Variants in KAZN observed in about 807,000 individuals in gnomAD.
KAZN encodes kazrin.
In KAZN, 40 loss-of-function variants were observed where a neutral mutation model predicts 87.4. The observed-to-expected ratio is 0.46, with a 90% CI of 0.36 to 0.60. KAZN has a LOEUF of 0.60. Ranked by LOEUF, KAZN falls within the 20% of genes least tolerant of loss-of-function variation. KAZN has a pLI of 0.00. For missense variants in KAZN, 898 were observed against 1,073.9 expected (o/e 0.84, Z 2.29); for synonymous variants, 466 against 458.3 (o/e 1.02, Z -0.22).
chr1:13,932,267 T>A (rs1640548450), intron 1 of KAZN, among the ~76,000 whole-genome samples: 1 of 147,850 alleles, frequency 6.8e-6, no homozygotes, highest in Non-Finnish European at 1.5e-5. Flanking sequence ...CATTTTTTTT[T>A]TTTTTTTTTT....
intron 1 of KAZN, chr1:14,692,394 A>G (rs2148787705): frequency 3.4e-6 from 1 of 293,464 alleles, no homozygotes; most frequent in East Asian, 5.6e-5. Context: ...TTTTTCTTTG[A>G]CCGACCTGCA....
chr1:15,050,024 A>AGTAGGGTAGGGTAGG (rs762329299), intron 4 of KAZN, among the ~76,000 whole-genome samples: 25 of 120,420 alleles, frequency 2.1e-4, no homozygotes, highest in Non-Finnish European at 3.7e-4. Flanking sequence ...ATCAGAGTAG[A>AGTAGGGTAGGGTAGG]GTAGGGTAGG....
In KAZN at chr1:14,383,075, G is replaced by A. The variant is rs190149410; in HGVS notation, c.249+202483G>A. Among the ~76,000 whole-genome samples the A allele has an allele frequency of 6.3e-3, 955 of 151,586 alleles. 14 individuals carry two copies. The highest frequency in any genetic ancestry group is 0.022 in the African/African-American group (914 of 41,292). On this transcript the variant is annotated intron_variant, in intron 2 of 16. Coordinates refer to the KAZN transcript ENST00000636203. ...TGCATTTCTCTGATGGCCAGTGATG[G>A]TGAGCATTGTTTCATGTGTTTTTTG...
intron 1 of KAZN, among the ~76,000 whole-genome samples, chr1:14,610,097 G>A (rs1378099361): frequency 6.6e-6 from 1 of 152,200 alleles, no homozygotes; most frequent in Non-Finnish European, 1.5e-5. Context: ...CGATGAAAGG[G>A]GAATCCATTT....
intron 1 of KAZN, among the ~76,000 whole-genome samples, chr1:14,015,939 G>A (rs1486076880): frequency 6.6e-6 from 1 of 151,976 alleles, no homozygotes; most frequent in East Asian, 2.0e-4. Context: ...ACTGCACTGG[G>A]ATTGAGGGCC....
intron 2 of KAZN, among the ~76,000 whole-genome samples, chr1:14,259,485 C>T (rs576750984): frequency 1.6e-4 from 24 of 152,276 alleles, no homozygotes; most frequent in Non-Finnish European, 3.1e-4. Flanking sequence ...CTCTGAGGCA[C>T]GCCTTTGCCT....
At chr1:14,958,737 C>T (rs1272118679) in intron 1 of KAZN, among the ~76,000 whole-genome samples, 1 of 152,210 alleles carries the variant, frequency 6.6e-6, no homozygotes, top group Non-Finnish European at 1.5e-5. Flanking sequence ...AGCAGGGACG[C>T]TCCTGGCTCT....
chr1:14,761,316 C>G (rs1404593188), intron 1 of KAZN, among the ~76,000 whole-genome samples: 1 of 152,160 alleles, frequency 6.6e-6, no homozygotes, highest in Non-Finnish European at 1.5e-5. Context: ...CATTCAAGAG[C>G]CTGCAGATCT....
At chr1:13,901,612 G>A (rs938184196) in intron 1 of KAZN, among the ~76,000 whole-genome samples, 1 of 152,206 alleles carries the variant, frequency 6.6e-6, no homozygotes, top group Admixed American at 6.5e-5. Context: ...CTCCAGCTGC[G>A]TCCTGCCAGT....
intron 1 of KAZN, among the ~76,000 whole-genome samples, chr1:13,960,819 C>T (rs1641723187): frequency 6.6e-6 from 1 of 152,166 alleles, no homozygotes; most frequent in Non-Finnish European, 1.5e-5. Flanking sequence ...AAAACCCTGG[C>T]CTCAGCTCCA....
At position 14,603,897 on chromosome 1, in the gene KAZN, C is replaced by T. The variant is rs1463997402; in HGVS notation, c.226+4674C>T. ...TGCTCACCGTGCATATCATATGGGG[C>T]CCAGAAGGTCAAGCTTGGGATTTGG... On this transcript the variant is annotated intron_variant, in intron 1 of 14. Transcript: ENST00000376030. Among the ~76,000 whole-genome samples the T allele has an allele frequency of 2.6e-5, 4 of 152,106 alleles. No homozygotes were observed. In the South Asian group the frequency reaches 6.2e-4, roughly 24 times the overall value.
intron 2 of KAZN, among the ~76,000 whole-genome samples, chr1:14,280,050 C>T (rs543462955): frequency 1.3e-5 from 2 of 152,142 alleles, no homozygotes; most frequent in South Asian, 2.1e-4. Context: ...CTACGGTCAT[C>T]GGCATATGGA....
At chr1:14,249,646 C>T (rs1052215330) in intron 2 of KAZN, among the ~76,000 whole-genome samples, 11 of 152,302 alleles carry the variant, frequency 7.2e-5, no homozygotes, top group South Asian at 4.1e-4. Context: ...AGTCTCTTTA[C>T]GATCATTTCA....
intron 1 of KAZN, among the ~76,000 whole-genome samples, chr1:14,677,820 A>G (rs1237349010): frequency 6.6e-6 from 1 of 152,162 alleles, no homozygotes; most frequent in Non-Finnish European, 1.5e-5. Flanking sequence ...GGAGACAGAA[A>G]ACTCTGTAAC....
intron 2 of KAZN, among the ~76,000 whole-genome samples, chr1:14,217,560 G>A (rs1646985721): frequency 6.6e-6 from 1 of 151,918 alleles, no homozygotes; most frequent in South Asian, 2.1e-4. Context: ...AAATTTAGAA[G>A]GCAGTCAAAG....
chr1:14,745,175 G>C (rs1644226200), intron 1 of KAZN, among the ~76,000 whole-genome samples: 1 of 151,476 alleles, frequency 6.6e-6, no homozygotes, highest in Non-Finnish European at 1.5e-5. Context: ...CACCATCCCA[G>C]TGCCCTGGAC....
At chr1:14,810,489 T>C (rs911060912) in intron 1 of KAZN, among the ~76,000 whole-genome samples, 3 of 152,168 alleles carry the variant, frequency 2.0e-5, no homozygotes, top group African/African-American at 7.2e-5. Flanking sequence ...GCAGAATGAA[T>C]GAATCTCAAA....
intron 2 of KAZN, among the ~76,000 whole-genome samples, chr1:14,193,996 T>G (rs1570983231): frequency 6.6e-6 from 1 of 152,142 alleles, no homozygotes. Context: ...TGACTGGAAG[T>G]TGTCACCTGG....
chr1:14,541,707 A>C (rs1363165061), intron 2 of KAZN, among the ~76,000 whole-genome samples: 2 of 152,200 alleles, frequency 1.3e-5, no homozygotes, highest in Non-Finnish European at 2.9e-5. Flanking sequence ...CACTACTCTT[A>C]CAAGTGTTTC....
Sources: gnomAD v4.1 joint callset for allele counts (sites outside exome capture counted in the v4.1 genomes callset) on GRCh38, gnomAD v4.1.1 for gene constraint, MANE v1.5 for transcripts, NCBI Gene and HGNC (gene_info 2026-07-23, HGNC 2026-07-21) for gene names.